TENM3: variants seen among roughly 807,000 people sequenced by gnomAD.
TENM3 encodes the protein teneurin-3.
A neutral mutation model predicts 255.1 loss-of-function variants in TENM3; 63 were observed. The observed-to-expected ratio is 0.25, with a 90% CI of 0.20 to 0.30. TENM3 has a LOEUF of 0.30. Among genes scored for constraint, TENM3 ranks in the 10% least tolerant of loss-of-function variants. The pLI, the probability that TENM3 is intolerant of heterozygous loss-of-function variation, is 1.00. For missense variants in TENM3, 2,929 were observed against 3,461.1 expected, an observed-to-expected ratio of 0.85 and a Z score of 3.86; for synonymous variants, 1,306 against 1,322.3, an observed-to-expected ratio of 0.99 and a Z score of 0.27.
chr4:181,500,496 A>G, the TENM3 span, among the ~76,000 whole-genome samples: 1 of 152,184 alleles, frequency 6.6e-6, no homozygotes, highest in African/African-American at 2.4e-5. Flanking sequence ...TGGAGAGGTT[A>G]GTCACCCTGG....
chr4:182,719,481 G>A (rs1012320810), intron 13 of TENM3, among the ~76,000 whole-genome samples: 2 of 151,670 alleles, frequency 1.3e-5, no homozygotes, highest in South Asian at 2.1e-4. Context: ...GGATGGTCTC[G>A]AACTCCTGAC....
At chr4:182,028,754 C>G in the TENM3 span, among the ~76,000 whole-genome samples, 1 of 152,106 alleles carries the variant, frequency 6.6e-6, no homozygotes, top group Non-Finnish European at 1.5e-5. Context: ...TGTATGTTTT[C>G]TGAAATTCCT....
the TENM3 span, among the ~76,000 whole-genome samples, chr4:181,575,874 CCTTCCTTG>C: frequency 1.3e-5 from 2 of 152,348 alleles, no homozygotes; most frequent in Middle Eastern, 6.8e-3. Context: ...CATTTCCCAG[CCTTCCTTG>C]CAGTTAGACA....
At chr4:182,495,645 C>T (rs17073447) in intron 3 of TENM3, among the ~76,000 whole-genome samples, 7,060 of 152,158 alleles carry the variant, frequency 0.046, 221 homozygotes, top group Middle Eastern at 0.088. Flanking sequence ...TTCAAGATTT[C>T]CCCCCGTAGT....
the TENM3 span, among the ~76,000 whole-genome samples, chr4:181,603,676 G>T: frequency 6.6e-6 from 1 of 152,164 alleles, no homozygotes; most frequent in Non-Finnish European, 1.5e-5. Context: ...CTGCCAGCAA[G>T]GAACTATAGA....
At chr4:182,785,470 G>A (rs982975934) in intron 24 of TENM3, among the ~76,000 whole-genome samples, 4 of 151,792 alleles carry the variant, frequency 2.6e-5, no homozygotes, top group Non-Finnish European at 5.9e-5. Flanking sequence ...CACTTTGGGA[G>A]GCTGAGGCGG....
the TENM3 span, among the ~76,000 whole-genome samples, chr4:181,646,245 A>G: frequency 2.6e-5 from 4 of 152,114 alleles, no homozygotes; most frequent in African/African-American, 9.7e-5. Context: ...TATTTTCCTT[A>G]GTTCTTATTT....
the TENM3 span, among the ~76,000 whole-genome samples, chr4:181,705,116 A>T: frequency 6.6e-6 from 1 of 152,040 alleles, no homozygotes; most frequent in Non-Finnish European, 1.5e-5. Context: ...GGGTGGGTAG[A>T]GGGATGGGGA....
the TENM3 span, among the ~76,000 whole-genome samples, chr4:182,080,247 G>T: frequency 5.9e-5 from 9 of 152,136 alleles, no homozygotes; most frequent in Non-Finnish European, 1.0e-4. Flanking sequence ...ACTTGGAGCT[G>T]TAAAATATCG....
chr4:182,256,573 A>G (rs1018385463), intron 1 of TENM3, among the ~76,000 whole-genome samples: 2 of 152,184 alleles, frequency 1.3e-5, no homozygotes. Flanking sequence ...GAAGAATCTC[A>G]ATACGAGTTT....
chr4:182,071,802 T>C, the TENM3 span, among the ~76,000 whole-genome samples: 1 of 152,192 alleles, frequency 6.6e-6, no homozygotes, highest in African/African-American at 2.4e-5. Context: ...TACTGATCTG[T>C]CGAACACCAG....
At chr4:181,474,297 C>T in the TENM3 span, among the ~76,000 whole-genome samples, 6 of 151,892 alleles carry the variant, frequency 4.0e-5, no homozygotes, top group Non-Finnish European at 8.8e-5. Context: ...ACATGTACCC[C>T]CCAGAACTTA....
chr4:182,742,469 G>A (rs931383812), intron 18 of TENM3, among the ~76,000 whole-genome samples: 3 of 152,192 alleles, frequency 2.0e-5, no homozygotes, highest in Non-Finnish European at 2.9e-5. Context: ...GAGAGTGTAC[G>A]CAGGAATAGT....
At chr4:181,490,989 A>G in the TENM3 span, among the ~76,000 whole-genome samples, 1 of 152,198 alleles carries the variant, frequency 6.6e-6, no homozygotes, top group Non-Finnish European at 1.5e-5. Context: ...TGTGTCATGC[A>G]ATGTATTTTA....
intron 3 of TENM3, among the ~76,000 whole-genome samples, chr4:182,569,101 T>C (rs1286251121): frequency 6.6e-6 from 1 of 152,236 alleles, no homozygotes; most frequent in Non-Finnish European, 1.5e-5. Flanking sequence ...TTGTCAAATT[T>C]GTCAAACTGA....
rs1426839425 is a variant in TENM3, at chr4:182,313,057, A to G, written c.-75-10889A>G. 2.6e-5 allele frequency among the ~76,000 whole-genome samples: 4 copies of G among 152,306 alleles called. No individual in the cohort carries two copies. In the East Asian group the frequency reaches 5.8e-4, roughly 22 times the overall value. On this transcript the variant is annotated intron_variant, in intron 1 of 27. Coordinates refer to ENST00000511685, the MANE Select transcript of TENM3 (RefSeq NM_001080477.4). ...AAATGAATTGTTTTGTTTTGAAATCATAGAATATATTCTCACTTTACTGAG... is the reference window on the plus strand; with the variant it reads ...AAATGAATTGTTTTGTTTTGAAATCGTAGAATATATTCTCACTTTACTGAG...
chr4:182,393,206 T>C (rs13109717), intron 3 of TENM3, among the ~76,000 whole-genome samples: 37,064 of 152,148 alleles, frequency 0.24, 5,009 homozygotes, highest in East Asian at 0.46. Flanking sequence ...CCTGCACTTG[T>C]TGACAAGTCA....
chr4:182,575,013 C>G (rs1744782889), intron 3 of TENM3, among the ~76,000 whole-genome samples: 2 of 152,020 alleles, frequency 1.3e-5, no homozygotes, highest in African/African-American at 2.4e-5. Flanking sequence ...GCCTTCTAAA[C>G]AAAGGATTAA....
intron 3 of TENM3, among the ~76,000 whole-genome samples, chr4:182,450,546 GTGA>G (rs1268806219): frequency 6.6e-6 from 1 of 152,194 alleles, no homozygotes; most frequent in Non-Finnish European, 1.5e-5. Flanking sequence ...TTTACACAAT[GTGA>G]TGATGAATTT....
Sources: allele counts gnomAD v4.1 joint callset (sites outside exome capture counted in the v4.1 genomes callset), GRCh38; gene constraint gnomAD v4.1.1; transcripts MANE v1.5; gene names NCBI Gene and HGNC (gene_info 2026-07-23, HGNC 2026-07-21).